The following ENG variants were observed in gnomAD, a reference collection of about 807,000 sequenced individuals.
ENG encodes the protein endoglin, also known as CD105 antigen.
In ENG, 17 loss-of-function variants were observed where a neutral mutation model predicts 71.0. The observed-to-expected ratio is 0.24, with a 90% CI of 0.16 to 0.36. The LOEUF (loss-of-function observed/expected upper bound fraction) is 0.36. Among genes scored for constraint, ENG ranks in the 10% least tolerant of loss-of-function variants. The pLI is 1.00. For missense variants in ENG, 749 were observed against 868.3 expected (o/e 0.86, Z 1.73); for synonymous variants, 360 against 366.9 (o/e 0.98, Z 0.21).
At chr9:127,820,905 A>C (rs1211002413) in intron 8 of ENG, among the ~76,000 whole-genome samples, 6 of 152,136 alleles carry the variant, frequency 3.9e-5, no homozygotes, top group Admixed American at 3.3e-4. Flanking sequence ...AGGGCATGCA[A>C]ACCCTGCAAG....
intron 3 of ENG, chr9:127,826,907 A>T (rs772699330): frequency 7.8e-5 from 43 of 547,776 alleles, no homozygotes; most frequent in Non-Finnish European, 1.2e-4. Flanking sequence ...TTGTTCATCC[A>T]CCTGTCCAAA....
chr9:127,845,015 GGTC>G (rs1831136565), intron 1 of ENG, among the ~76,000 whole-genome samples: 1 of 152,212 alleles, frequency 6.6e-6, no homozygotes, highest in Admixed American at 6.5e-5. Context: ...GACCCAGCAG[GGTC>G]GGAAAAGGAA....
In ENG at chr9:127,824,951, C is replaced by T. The variant is rs1830570698; in HGVS notation, c.840G>A (p.Lys280=). The T allele has an allele frequency of 1.2e-6, 2 of 1,613,670 alleles. No homozygotes were observed. The highest frequency in any genetic ancestry group is 4.5e-5 in the East Asian group (2 of 44,876). ...QIWTTGEYSF[K]IFPEKNIRGF... ...CACGAATGTTTTTCTCTGGAAAGATCTTGAAGGAGTATTCTCCAGTGGTCT... is the reference window on the plus strand; with the variant it reads ...CACGAATGTTTTTCTCTGGAAAGATTTTGAAGGAGTATTCTCCAGTGGTCT... Residue 280 remains lysine (K), a synonymous_variant, in exon 7 of 15, where the codon AAG becomes AAA. Transcript: ENST00000373203.
rs1830948258 is a variant in ENG at position 127,838,152 on chromosome 9, A to G, written c.219+4942T>C. ...ATCCTTCAGGTCTGGGGGAGCTCAC[A>G]TAGCCATGCAGTGCTCCCCTGGAGG... is the stretch of plus-strand genomic sequence containing the variant. On this transcript the variant is annotated intron_variant, in intron 2 of 14. Transcript: ENST00000373203. This position sits in a 1 kb window ranked among gnomAD's most constrained non-coding sequence, Gnocchi z 4.3. Among the ~76,000 whole-genome samples, 1 of 151,358 alleles carries G rather than the reference A, an allele frequency of 6.6e-6. No individual in the cohort carries two copies. The highest frequency in any genetic ancestry group is 2.4e-5 in the African/African-American group (1 of 41,264).
chr9:127,821,683 C>T (rs1830469087), intron 8 of ENG, among the ~76,000 whole-genome samples: 1 of 151,506 alleles, frequency 6.6e-6, no homozygotes, highest in Admixed American at 6.6e-5. Flanking sequence ...CGAGACCAGC[C>T]TGACCAACAT....
chr9:127,819,393 T>G (rs1292995350), intron 10 of ENG: 2 of 577,986 alleles, frequency 3.5e-6, no homozygotes, highest in Non-Finnish European at 6.1e-6. Context: ...TAAAGTGACT[T>G]GCCCAAGGCC....
intron 2 of ENG, among the ~76,000 whole-genome samples, chr9:127,839,314 G>A (rs559672172): frequency 3.3e-5 from 5 of 152,240 alleles, no homozygotes; most frequent in African/African-American, 1.2e-4. Context: ...TGAGGGCTGC[G>A]CAATGGGGAC....
intron 4 of ENG, 68 bp from the exon 5 acceptor site, chr9:127,825,928 C>T: frequency 6.5e-7 from 1 of 1,542,024 alleles, no homozygotes; most frequent in East Asian, 2.4e-5. Flanking sequence ...CCCGCCCTCA[C>T]CCACAGCCAA....
rs1379416733 is a variant in ENG at position 127,846,602 on chromosome 9, C to CG, written c.68-3358dup. 6.6e-6 allele frequency among the ~76,000 whole-genome samples: 1 copy of CG among 152,172 alleles called. No individual in the cohort carries two copies. On this transcript the variant is annotated intron_variant, in intron 1 of 14. Coordinates refer to ENST00000373203, the MANE Select transcript of ENG (RefSeq NM_001114753.3). The surrounding 1 kb of genome is among the most constrained non-coding windows in gnomAD (Gnocchi z 5.5). ...TGTAATGATCAGATAACAGGCCTGG[C>CG]GGGGAGATCAGATAAGAGGTCCATT...
chr9:127,843,755 ATTTTTTTTTTTTTTTTTT>A (rs71380099), intron 1 of ENG, among the ~76,000 whole-genome samples: 2 of 25,038 alleles, frequency 8.0e-5, no homozygotes, highest in Non-Finnish European at 1.4e-4. Flanking sequence ...ATATATATAT[ATTTTTTTTTTTTTTTTTT>A]TTTTTTTTTT....
chr9:127,842,663 T>C (rs1564462538), intron 2 of ENG, among the ~76,000 whole-genome samples: 1 of 152,144 alleles, frequency 6.6e-6, no homozygotes, highest in Non-Finnish European at 1.5e-5. Context: ...GACCTCGTGA[T>C]CTACCCGCCT....
In ENG at chr9:127,825,810, G is replaced by T; in HGVS notation, c.574C>A (p.Arg192Ser). The stretch of plus-strand genomic sequence containing the variant: ...GTACGCGGCCGCCACTCGAGCGTGC[G>T]GCCCATGTCCTGGCTGGCTTCCAGC... The part of the protein sequence containing the change: ...CMLEASQDMG[R>S]TLEWRPRTPA... Residue 192 changes from arginine to serine, a missense_variant, in exon 5 of 15, where the codon CGC becomes AGC. Physicochemically the swap from Arg to Ser is moderately radical, Grantham distance 110 (BLOSUM62 -1). Coordinates refer to ENST00000373203, the MANE Select transcript of ENG (RefSeq NM_001114753.3). 6.3e-7 allele frequency: 1 copy of T among 1,597,650 alleles called. No homozygotes were observed. The highest frequency in any genetic ancestry group is 2.3e-5 in the East Asian group (1 of 44,100).
At chr9:127,817,319 C>T in intron 12 of ENG, 116 bp from the exon 13 acceptor site, 5 of 1,058,412 alleles carry the variant, frequency 4.7e-6, no homozygotes, top group Non-Finnish European at 5.8e-6. Flanking sequence ...CCCATCTCCA[C>T]CGCTTCGTAG....
At chr9:127,823,673 CTT>C (rs1017053002) in intron 8 of ENG, among the ~76,000 whole-genome samples, 8 of 99,030 alleles carry the variant, frequency 8.1e-5, no homozygotes, top group Non-Finnish European at 1.3e-4. Flanking sequence ...CAGGCACCGG[CTT>C]TTTTTTTTTT....
intron 1 of ENG, among the ~76,000 whole-genome samples, chr9:127,845,566 C>G (rs912459632): frequency 2.0e-5 from 3 of 152,214 alleles, no homozygotes; most frequent in Admixed American, 6.5e-5. Context: ...CAATGCTTAC[C>G]AGCTATGTGG....
intron 12 of ENG, chr9:127,817,425 C>T: frequency 3.2e-6 from 2 of 617,020 alleles, no homozygotes; most frequent in Admixed American, 2.4e-5. Context: ...CTGTGAGTTC[C>T]TGGAGGCCTT....
At chr9:127,816,169 T>C (rs1830309696) in intron 13 of ENG, 116 bp from the exon 14 acceptor site, 15 of 1,287,608 alleles carry the variant, frequency 1.2e-5, no homozygotes, top group Non-Finnish European at 1.6e-5. Context: ...GACCCTCGAC[T>C]TCTCTGAACC....
intron 3 of ENG, among the ~76,000 whole-genome samples, chr9:127,828,927 C>A (rs539083210): frequency 2.0e-5 from 3 of 152,246 alleles, no homozygotes; most frequent in Admixed American, 2.0e-4. Context: ...TAAACAACAG[C>A]TGCTCACATC....
At chr9:127,852,909 C>A (rs144549140) in intron 1 of ENG, among the ~76,000 whole-genome samples, 1 of 152,142 alleles carries the variant, frequency 6.6e-6, no homozygotes, top group African/African-American at 2.4e-5. Context: ...CTTTCTCTAA[C>A]GACCAAGAGG....
Sources: allele counts gnomAD v4.1 joint callset (sites outside exome capture counted in the v4.1 genomes callset), GRCh38; gene constraint gnomAD v4.1.1; non-coding constraint Gnocchi (gnomAD v3.1); transcripts MANE v1.5; gene names NCBI Gene and HGNC (gene_info 2026-07-23, HGNC 2026-07-21).